NFIX: variants seen among roughly 807,000 people sequenced by gnomAD.
The protein encoded by NFIX is nuclear factor I X.
NFIX carries 2 observed loss-of-function variants against 53.3 expected under a neutral mutation model. The observed-to-expected ratio is 0.04, with a 90% CI of 0.02 to 0.12. The LOEUF (loss-of-function observed/expected upper bound fraction) is 0.12. Ranked by LOEUF, NFIX falls within the 10% of genes least tolerant of loss-of-function variation. The pLI, the probability that NFIX is intolerant of heterozygous loss-of-function variation, is 1.00. For synonymous variants in NFIX, 244 were observed against 289.0 expected, an observed-to-expected ratio of 0.84 and a Z score of 1.58; for missense variants, 310 against 674.5, an observed-to-expected ratio of 0.46 and a Z score of 5.99.
At chr19:13,004,371 C>G (rs924541396) in intron 1 of NFIX, among the ~76,000 whole-genome samples, 7 of 152,138 alleles carry the variant, frequency 4.6e-5, no homozygotes, top group South Asian at 2.1e-4. Context: ...CTCACTAGGA[C>G]CCAGGCATTG....
intron 1 of NFIX, among the ~76,000 whole-genome samples, chr19:12,999,416 C>T (rs1025748941): frequency 6.6e-6 from 1 of 151,960 alleles, no homozygotes; most frequent in South Asian, 2.1e-4. Flanking sequence ...TCGTGATCCA[C>T]CTGCCTCGGC....
chr19:13,081,102 T>A lies in NFIX; in HGVS notation c.1079-578T>A, dbSNP rs2145471793. Among the ~76,000 whole-genome samples the A allele has an allele frequency of 6.6e-6, 1 of 151,812 alleles. No homozygotes were observed. The highest frequency in any genetic ancestry group is 2.1e-4 in the South Asian group (1 of 4,792). On this transcript the variant is annotated intron_variant, in intron 7 of 10. Transcript: ENST00000592199. The surrounding 1 kb of genome is among the most constrained non-coding windows in gnomAD (Gnocchi z 4.7). ...ATCACTTGAGCCCAGGAGTTTGAGA[T>A]TAACCAGGACAATATGGCAAAATCT...
chr19:13,032,500 G>T (rs2013892601), intron 2 of NFIX, among the ~76,000 whole-genome samples: 1 of 152,206 alleles, frequency 6.6e-6, no homozygotes, highest in South Asian at 2.1e-4. Context: ...GATTTGCACA[G>T]TTGTGAACTT....
intron 1 of NFIX, among the ~76,000 whole-genome samples, chr19:13,020,972 G>A (rs2012932255): frequency 6.6e-6 from 1 of 152,074 alleles, no homozygotes; most frequent in Admixed American, 6.6e-5. Context: ...CTGTGAAGTG[G>A]AACATGCCAG....
chr19:13,051,585 G>T lies in NFIX; in HGVS notation c.560-21462G>T, dbSNP rs1599789621. Among the ~76,000 whole-genome samples the T allele has an allele frequency of 6.6e-6, 1 of 152,176 alleles. No homozygotes were observed. The highest frequency in any genetic ancestry group is 1.5e-5 in the Non-Finnish European group (1 of 68,016). On this transcript the variant is annotated intron_variant, in intron 2 of 10. Transcript: ENST00000592199. This position sits in a 1 kb window ranked among gnomAD's most constrained non-coding sequence, Gnocchi z 5.1. ...AGATTTTTTTCCAAGCCTCAAGTCAGGCAGGTTCGGGGAGGAGACAGCCTC... is the reference window on the plus strand; with the variant it reads ...AGATTTTTTTCCAAGCCTCAAGTCATGCAGGTTCGGGGAGGAGACAGCCTC...
chr19:13,067,485 T>TGTGTGTGTGTGTGC lies in NFIX; in HGVS notation c.560-5549_560-5548insCGTGTGTGTGTGTG, dbSNP rs1555703644. Among the ~76,000 whole-genome samples, 1 of 26,648 alleles carries TGTGTGTGTGTGTGC rather than the reference T, an allele frequency of 3.8e-5. No individual in the cohort carries two copies. Among genetic ancestry groups the TGTGTGTGTGTGTGC allele is most frequent in the African/African-American group, 4.5e-4 (1 of 2,218 alleles). The allele number at this position is 26,648 out of a possible 152,430, so 17.5% of individuals were successfully genotyped here. The stretch of plus-strand genomic sequence containing the variant: ...GCGCGTGTGTGTGTGTGTGTGTGCG[T>TGTGTGTGTGTGTGC]GTGTGTGTGTGTGTGTGTGTATGTG... On this transcript the variant is annotated intron_variant, in intron 2 of 10. Coordinates refer to ENST00000592199, the MANE Select transcript of NFIX (RefSeq NM_001365902.3). The surrounding 1 kb of genome is among the most constrained non-coding windows in gnomAD (Gnocchi z 4.2).
At position 13,066,754 on chromosome 19, in the gene NFIX, C is replaced by T. The variant is rs1166386704; in HGVS notation, c.560-6293C>T. Among the ~76,000 whole-genome samples, 3 of 151,888 alleles carry T rather than the reference C, an allele frequency of 2.0e-5. No individual in the cohort carries two copies. Among genetic ancestry groups the T allele is most frequent in the Non-Finnish European group, 4.4e-5 (3 of 67,948 alleles). ...GTGTGCATGTGTGTGTGTGTTTGTG[C>T]ACATGTGTGTGTGCACATGCATGGT... On this transcript the variant is annotated intron_variant, in intron 2 of 10. Coordinates refer to ENST00000592199, the MANE Select transcript of NFIX (RefSeq NM_001365902.3). The surrounding 1 kb of genome is among the most constrained non-coding windows in gnomAD (Gnocchi z 4.2).
rs3982404 is a variant in NFIX at position 13,067,483 on chromosome 19, C to CGTGTGTGTGTGTGTGTGT, written c.560-5559_560-5542dup. 6.8e-6 allele frequency among the ~76,000 whole-genome samples: 1 copy of CGTGTGTGTGTGTGTGTGT among 147,320 alleles called. No homozygotes were observed. Among genetic ancestry groups the CGTGTGTGTGTGTGTGTGT allele is most frequent in the African/African-American group, 2.5e-5 (1 of 40,232 alleles). The stretch of plus-strand genomic sequence containing the variant: ...GCGCGCGTGTGTGTGTGTGTGTGTG[C>CGTGTGTGTGTGTGTGTGT]GTGTGTGTGTGTGTGTGTGTGTATG... On this transcript the variant is annotated intron_variant, in intron 2 of 10. Coordinates refer to ENST00000592199, the MANE Select transcript of NFIX (RefSeq NM_001365902.3). The surrounding 1 kb of genome is among the most constrained non-coding windows in gnomAD (Gnocchi z 4.2).
chr19:13,024,875 TG>T (rs2013194686), intron 1 of NFIX, 145 bp from the exon 2 acceptor site: 2 of 1,323,592 alleles, frequency 1.5e-6, no homozygotes, highest in Non-Finnish European at 2.1e-6. Flanking sequence ...AGAAAATTGT[TG>T]GGGGGAGGGA....
intron 2 of NFIX, among the ~76,000 whole-genome samples, chr19:13,034,368 C>G (rs1387441286): frequency 6.6e-6 from 1 of 152,190 alleles, no homozygotes; most frequent in East Asian, 1.9e-4. Flanking sequence ...CCACCAACCT[C>G]GAGAGGCAGC....
chr19:13,019,713 T>G (rs1006508180), intron 1 of NFIX, among the ~76,000 whole-genome samples: 3 of 73,332 alleles, frequency 4.1e-5, no homozygotes, highest in Non-Finnish European at 9.0e-5. Flanking sequence ...CTGTTGCTGG[T>G]TTTTTTTTTG....
chr19:13,079,161 G>A (rs1423209579), intron 7 of NFIX, among the ~76,000 whole-genome samples: 1 of 152,214 alleles, frequency 6.6e-6, no homozygotes, highest in Non-Finnish European at 1.5e-5. Flanking sequence ...GCCAGCATGA[G>A]CCCAGGTTGA....
intron 7 of NFIX, among the ~76,000 whole-genome samples, chr19:13,080,955 G>A (rs1400700584): frequency 1.3e-5 from 2 of 150,478 alleles, no homozygotes; most frequent in Non-Finnish European, 1.5e-5. Flanking sequence ...AGCTGAGATC[G>A]CACCACTGCA....
chr19:12,997,846 C>T (rs1315673080), intron 1 of NFIX, among the ~76,000 whole-genome samples: 2 of 152,184 alleles, frequency 1.3e-5, no homozygotes, highest in Non-Finnish European at 2.9e-5. Flanking sequence ...AGACCCAGGG[C>T]GATGGCCGGT....
intron 2 of NFIX, among the ~76,000 whole-genome samples, chr19:13,062,466 G>GA (rs2016150792): frequency 6.6e-6 from 1 of 152,216 alleles, no homozygotes; most frequent in African/African-American, 2.4e-5. Flanking sequence ...AGATGTGGGG[G>GA]ATGTAGCAGC....
At chr19:13,003,865 C>T (rs1194396790) in intron 1 of NFIX, among the ~76,000 whole-genome samples, 1 of 152,140 alleles carries the variant, frequency 6.6e-6, no homozygotes, top group Non-Finnish European at 1.5e-5. Flanking sequence ...GTCTTGAATT[C>T]CTGGGCTCAA....
intron 1 of NFIX, among the ~76,000 whole-genome samples, chr19:13,016,041 T>C (rs1219669378): frequency 1.3e-5 from 2 of 152,224 alleles, no homozygotes; most frequent in Non-Finnish European, 2.9e-5. Context: ...AAAATGTTTA[T>C]TTCTTAATCT....
Position 13,090,124 on chromosome 19 carries a change from C to T in NFIX, c.1403-175C>T, listed in dbSNP as rs1023297136. Among the ~76,000 whole-genome samples the T allele has an allele frequency of 6.6e-6, 1 of 152,082 alleles. No homozygotes were observed. The highest frequency in any genetic ancestry group is 2.1e-4 in the South Asian group (1 of 4,824). On this transcript the variant is annotated intron_variant, in intron 9 of 10. Coordinates refer to ENST00000592199, the MANE Select transcript of NFIX (RefSeq NM_001365902.3). The surrounding 1 kb of genome is among the most constrained non-coding windows in gnomAD (Gnocchi z 6.6). ...GTCCCTCTGTAGTGGGGGGCAGGCTCGGAGCCTGGCCTTCAGCTCAGATGC... is the reference window on the plus strand; with the variant it reads ...GTCCCTCTGTAGTGGGGGGCAGGCTTGGAGCCTGGCCTTCAGCTCAGATGC...
rs558709372 is a variant in NFIX, at chr19:13,013,884, G to A, written c.28-11137G>A. On this transcript the variant is annotated intron_variant, in intron 1 of 10. Transcript: ENST00000592199. The surrounding 1 kb of genome is among the most constrained non-coding windows in gnomAD (Gnocchi z 5.9). ...TCTCCGCCACTGAAAAGGCGCTATA[G>A]AAATGCAAGGAATTATGATTTTAAT... The A allele has an allele frequency of 6.6e-6, 1 of 152,288 alleles. No homozygotes were observed. Among genetic ancestry groups the A allele is most frequent in the Admixed American group, 6.5e-5 (1 of 15,302 alleles). The allele number at this position is 152,288 out of a possible 1,614,324, so 9.4% of individuals were successfully genotyped here.
Sources: gnomAD v4.1 joint callset for allele counts (sites outside exome capture counted in the v4.1 genomes callset) on GRCh38, gnomAD v4.1.1 for gene constraint, Gnocchi (gnomAD v3.1) non-coding constraint, MANE v1.5 for transcripts, NCBI Gene and HGNC (gene_info 2026-07-23, HGNC 2026-07-21) for gene names.